CRISPLD2: variants seen among roughly 807,000 people sequenced by gnomAD.
CRISPLD2 encodes the protein cysteine-rich secretory protein LCCL domain-containing 2.
A neutral mutation model predicts 71.1 loss-of-function variants in CRISPLD2; 47 were observed. The ratio of observed to expected loss-of-function variants is 0.66; its 90% CI spans 0.52 to 0.84. The LOEUF (loss-of-function observed/expected upper bound fraction) is 0.84. Ranked by LOEUF, CRISPLD2 falls within the 40% of genes least tolerant of loss-of-function variation. CRISPLD2 has a pLI of 0.00. For synonymous variants in CRISPLD2, 317 were observed against 250.1 expected, an observed-to-expected ratio of 1.27 and a Z score of -2.52; for missense variants, 830 against 651.1, an observed-to-expected ratio of 1.27 and a Z score of -2.99.
intron 11 of CRISPLD2, among the ~76,000 whole-genome samples, chr16:84,874,885 G>A (rs1015460571): frequency 6.6e-6 from 1 of 152,038 alleles, no homozygotes; most frequent in African/African-American, 2.4e-5. Context: ...TATATACATC[G>A]ATGACTTTTA....
At chr16:84,828,759 A>G (rs968905837) in intron 1 of CRISPLD2, among the ~76,000 whole-genome samples, 8 of 152,016 alleles carry the variant, frequency 5.3e-5, no homozygotes, top group African/African-American at 1.9e-4. Context: ...TTTTTCACAT[A>G]GTGCATTAAA....
intron 1 of CRISPLD2, chr16:84,836,194 A>T (rs1916613163): frequency 6.6e-6 from 1 of 152,232 alleles, no homozygotes; most frequent in African/African-American, 2.4e-5. Flanking sequence ...CTTATCCCCA[A>T]GATATCTCAT....
intron 4 of CRISPLD2, among the ~76,000 whole-genome samples, chr16:84,849,825 C>T (rs1012252529): frequency 1.3e-5 from 2 of 151,554 alleles, no homozygotes; most frequent in African/African-American, 4.9e-5. Context: ...TCAAGCAATC[C>T]TCCCACCTCA....
chr16:84,829,668 T>C (rs1292035075), intron 1 of CRISPLD2, among the ~76,000 whole-genome samples: 1 of 152,202 alleles, frequency 6.6e-6, no homozygotes, highest in Non-Finnish European at 1.5e-5. Context: ...AGAGAGTCGC[T>C]GCGTGGACGA....
chr16:84,906,609 A>T lies in CRISPLD2; in HGVS notation c.1461A>T (p.Gly487=). 1 of 1,613,486 alleles carries T rather than the reference A, an allele frequency of 6.2e-7. No homozygotes were observed. Residue 487 remains glycine, a synonymous_variant, in exon 15 of 15, where the codon GGA becomes GGT. Coordinates refer to ENST00000262424, the MANE Select transcript of CRISPLD2 (RefSeq NM_031476.4). ...TCAGCCTGGGGACTCCTCGGGATGG[A>T]AAGGCCTTCCGGATCTTTGCTGTCA... ...QSESLGTPRD[G]KAFRIFAVRQ
chr16:84,853,948 C>G (rs1917160690), intron 5 of CRISPLD2, among the ~76,000 whole-genome samples: 1 of 152,252 alleles, frequency 6.6e-6, no homozygotes, highest in South Asian at 2.1e-4. Context: ...CAGGAAGGGC[C>G]TGGGGATTCC....
intron 2 of CRISPLD2, among the ~76,000 whole-genome samples, chr16:84,840,382 T>C (rs987014444): frequency 6.6e-6 from 1 of 152,222 alleles, no homozygotes; most frequent in African/African-American, 2.4e-5. Flanking sequence ...GAGAGGTTCA[T>C]CTTTAAAGGA....
At chr16:84,885,812 C>CTTTTTTTTT (rs781115960) in intron 13 of CRISPLD2, among the ~76,000 whole-genome samples, 18 of 95,778 alleles carry the variant, frequency 1.9e-4, no homozygotes, top group East Asian at 2.9e-4. Flanking sequence ...TGGATCCCTT[C>CTTTTTTTTT]TTTTTTTTTT....
At chr16:84,858,013 G>A (rs541476395) in intron 6 of CRISPLD2, among the ~76,000 whole-genome samples, 1 of 152,278 alleles carries the variant, frequency 6.6e-6, no homozygotes, top group African/African-American at 2.4e-5. Context: ...CAAACGTTCA[G>A]TTTCCACCAA....
chr16:84,821,412 G>A (rs1451868847), intron 1 of CRISPLD2, among the ~76,000 whole-genome samples: 2 of 152,208 alleles, frequency 1.3e-5, no homozygotes, highest in Non-Finnish European at 2.9e-5. Flanking sequence ...TCTGTGCCAC[G>A]CAGTTTACCT....
chr16:84,854,646 C>G, intron 5 of CRISPLD2, 83 bp from the exon 6 acceptor site: 1 of 965,264 alleles, frequency 1.0e-6, no homozygotes, highest in Non-Finnish European at 1.7e-6. Context: ...TGTTCAGGGA[C>G]TCACGTGGGC....
intron 11 of CRISPLD2, among the ~76,000 whole-genome samples, chr16:84,875,112 C>T (rs2071506374): frequency 6.6e-6 from 1 of 152,036 alleles, no homozygotes; most frequent in African/African-American, 2.4e-5. Flanking sequence ...CAGGGTGGCA[C>T]ACACCTGTAT....
At chr16:84,839,002 C>T (rs915887435) in intron 2 of CRISPLD2, 6 of 584,752 alleles carry the variant, frequency 1.0e-5, no homozygotes, top group Non-Finnish European at 1.9e-5. Flanking sequence ...GATCCTGCTT[C>T]AGCCTCCCAA....
At chr16:84,880,428 G>C in intron 12 of CRISPLD2, 81 bp from the exon 13 acceptor site, 1 of 1,106,686 alleles carries the variant, frequency 9.0e-7, no homozygotes, top group South Asian at 1.7e-5. Context: ...TTAAATCTTG[G>C]AATTCAAATA....
At chr16:84,846,064 C>T in intron 3 of CRISPLD2, 160 bp downstream of exon 3, 1 of 542,092 alleles carries the variant, frequency 1.8e-6, no homozygotes, top group Non-Finnish European at 3.3e-6. Context: ...TCCAGGAACA[C>T]TCCTGAGTGA....
At chr16:84,830,943 C>T (rs1368566511) in intron 1 of CRISPLD2, among the ~76,000 whole-genome samples, 2 of 152,276 alleles carry the variant, frequency 1.3e-5, no homozygotes, top group South Asian at 4.1e-4. Flanking sequence ...GGAGTATTTA[C>T]ACCAAGGGAA....
chr16:84,899,563 C>G (rs377410288), intron 14 of CRISPLD2, among the ~76,000 whole-genome samples: 1 of 152,136 alleles, frequency 6.6e-6, no homozygotes, highest in Non-Finnish European at 1.5e-5. Flanking sequence ...TTACCTGTGG[C>G]GGTGGATGGC....
intron 14 of CRISPLD2, among the ~76,000 whole-genome samples, chr16:84,891,639 T>C (rs1202304216): frequency 2.4e-5 from 3 of 126,608 alleles, no homozygotes; most frequent in African/African-American, 6.6e-5. Flanking sequence ...GAGAAAACAG[T>C]CTTCCTGAGC....
intron 10 of CRISPLD2, 44 bp from the exon 11 acceptor site, chr16:84,873,876 G>A: frequency 6.6e-7 from 1 of 1,524,618 alleles, no homozygotes; most frequent in Non-Finnish European, 8.9e-7. Context: ...AATTCTATTT[G>A]CATTTACCTA....
Sources: gnomAD v4.1 joint callset for allele counts (sites outside exome capture counted in the v4.1 genomes callset) on GRCh38, gnomAD v4.1.1 for gene constraint, MANE v1.5 for transcripts, NCBI Gene and HGNC (gene_info 2026-07-23, HGNC 2026-07-21) for gene names.